The following FHIP1A variants were observed in gnomAD, a reference collection of about 807,000 sequenced individuals.
FHIP1A encodes the protein FHF complex subunit HOOK interacting protein 1A, also known as FHF complex subunit HOOK-interacting protein 1A.
In FHIP1A, 61 loss-of-function variants were observed where a neutral mutation model predicts 88.6. The observed-to-expected ratio is 0.69, with a 90% CI of 0.56 to 0.85. The LOEUF is 0.85. Ranked by LOEUF, FHIP1A falls within the 40% of genes least tolerant of loss-of-function variation. FHIP1A has a pLI of 0.00. For missense variants in FHIP1A, 1,154 were observed against 1,273.5 expected, an observed-to-expected ratio of 0.91 and a Z score of 1.43; for synonymous variants, 478 against 496.0, an observed-to-expected ratio of 0.96 and a Z score of 0.48.
intron 3 of FHIP1A, among the ~76,000 whole-genome samples, chr4:151,537,941 T>C (rs546232327): frequency 6.6e-6 from 1 of 152,336 alleles, no homozygotes; most frequent in Non-Finnish European, 1.5e-5. Context: ...ATAGCCTCTT[T>C]TGCCAATTCT....
chr4:151,434,526 G>A (rs1430300486), intron 1 of FHIP1A, among the ~76,000 whole-genome samples: 2 of 152,140 alleles, frequency 1.3e-5, no homozygotes, highest in Non-Finnish European at 2.9e-5. Flanking sequence ...AAATTCAGGA[G>A]TAAATATTTT....
chr4:151,535,499 G>T (rs1269725366), intron 3 of FHIP1A, among the ~76,000 whole-genome samples: 1 of 152,142 alleles, frequency 6.6e-6, no homozygotes, highest in Non-Finnish European at 1.5e-5. Flanking sequence ...TTCCAGTTAT[G>T]TCCTTCTGGA....
rs1737621091 is a variant in FHIP1A, at chr4:151,665,284, G to C, written c.*2530G>C. ...GAGCCACTGGGTCCAGCCTGAAGTA[G>C]ACTTACTTTAAATGAGGACAGAGAT... On this transcript the variant is annotated 3_prime_UTR_variant, in exon 14 of 14. Coordinates refer to ENST00000435205, the MANE Select transcript of FHIP1A (RefSeq NM_001109977.3). Among the ~76,000 whole-genome samples, 1 of 152,194 alleles carries C rather than the reference G, an allele frequency of 6.6e-6. No individual in the cohort carries two copies. Among genetic ancestry groups the C allele is most frequent in the East Asian group, 1.9e-4 (1 of 5,192 alleles).
At chr4:151,446,581 CTTTTTTTTTT>C (rs35115788) in intron 1 of FHIP1A, among the ~76,000 whole-genome samples, 9 of 109,968 alleles carry the variant, frequency 8.2e-5, no homozygotes, top group Admixed American at 2.0e-4. Context: ...TGTTCTTTTT[CTTTTTTTTTT>C]TTTTTTTTTG....
chr4:151,563,707 G>C (rs1382540809), intron 3 of FHIP1A, among the ~76,000 whole-genome samples: 1 of 152,138 alleles, frequency 6.6e-6, no homozygotes, highest in Non-Finnish European at 1.5e-5. Context: ...AAACTAACTT[G>C]TGCTGGGCAT....
intron 2 of FHIP1A, among the ~76,000 whole-genome samples, chr4:151,463,053 G>A (rs1003491922): frequency 6.6e-6 from 1 of 152,198 alleles, no homozygotes; most frequent in African/African-American, 2.4e-5. Context: ...GAGCTCCTGT[G>A]AGCTCCTTGA....
chr4:151,474,484 T>C (rs1485570542), intron 2 of FHIP1A, among the ~76,000 whole-genome samples: 1 of 152,234 alleles, frequency 6.6e-6, no homozygotes, highest in Non-Finnish European at 1.5e-5. Context: ...CGCTTGACGT[T>C]GTCTGAAGGA....
At chr4:151,493,644 A>C (rs1163573878) in intron 3 of FHIP1A, among the ~76,000 whole-genome samples, 4 of 152,224 alleles carry the variant, frequency 2.6e-5, no homozygotes, top group Non-Finnish European at 5.9e-5. Context: ...TGGATTTCAT[A>C]CCAGGGATGC....
intron 2 of FHIP1A, among the ~76,000 whole-genome samples, chr4:151,455,151 T>C (rs564635461): frequency 2.2e-4 from 33 of 152,344 alleles, no homozygotes; most frequent in Non-Finnish European, 4.0e-4. Context: ...TGAGGCTTAG[T>C]AAAATTAATT....
At chr4:151,627,046 G>T (rs1038259302) in intron 7 of FHIP1A, among the ~76,000 whole-genome samples, 2 of 152,146 alleles carry the variant, frequency 1.3e-5, no homozygotes, top group Admixed American at 1.3e-4. Context: ...GCTCCTGAAG[G>T]CTCTGAGGAT....
intron 11 of FHIP1A, among the ~76,000 whole-genome samples, chr4:151,654,568 A>G (rs1737158145): frequency 6.6e-6 from 1 of 152,232 alleles, no homozygotes; most frequent in Non-Finnish European, 1.5e-5. Context: ...ATGCTAAGCC[A>G]GGGACTGCGG....
At chr4:151,558,961 T>C (rs1214963451) in intron 3 of FHIP1A, among the ~76,000 whole-genome samples, 1 of 152,250 alleles carries the variant, frequency 6.6e-6, no homozygotes, top group Non-Finnish European at 1.5e-5. Flanking sequence ...AGACTACCAC[T>C]CTTCTGTGAA....
chr4:151,522,903 G>A (rs113120348), intron 3 of FHIP1A, among the ~76,000 whole-genome samples: 1 of 152,120 alleles, frequency 6.6e-6, no homozygotes, highest in Admixed American at 6.5e-5. Flanking sequence ...TAACATCACC[G>A]TCAAGGAGAG....
chr4:151,480,786 T>G (rs925563348), intron 2 of FHIP1A, among the ~76,000 whole-genome samples: 4 of 152,070 alleles, frequency 2.6e-5, no homozygotes, highest in Non-Finnish European at 5.9e-5. Flanking sequence ...TTGCCACTGC[T>G]ACTCCTGTGC....
intron 1 of FHIP1A, among the ~76,000 whole-genome samples, chr4:151,434,912 A>G (rs1429662856): frequency 6.6e-6 from 1 of 152,088 alleles, no homozygotes; most frequent in African/African-American, 2.4e-5. Context: ...ACACTATGCA[A>G]GGAAACCCTT....
At chr4:151,550,710 G>T (rs1190472714) in intron 3 of FHIP1A, among the ~76,000 whole-genome samples, 3 of 152,140 alleles carry the variant, frequency 2.0e-5, no homozygotes, top group Non-Finnish European at 2.9e-5. Flanking sequence ...CCTTAGATAT[G>T]TAGTTTCTTA....
intron 3 of FHIP1A, among the ~76,000 whole-genome samples, chr4:151,487,584 T>C (rs900758299): frequency 1.3e-5 from 2 of 152,240 alleles, no homozygotes; most frequent in Admixed American, 6.5e-5. Flanking sequence ...CTGAAATCCG[T>C]GCCTTCTTTC....
chr4:151,566,293 C>T lies in FHIP1A; in HGVS notation c.34C>T (p.Gln12Ter). The T allele has an allele frequency of 6.4e-7, 1 of 1,550,730 alleles. No homozygotes were observed. The highest frequency in any genetic ancestry group is 8.7e-7 in the Non-Finnish European group (1 of 1,146,282). ...ATCGGTTTCGACAGAAAGCAAACTC[C>T]AGCAGGCTGTGAGCCTACAGGGAGT... ...MSSVSTESKL[Q>*]QAVSLQGVDP... The change falls in exon 4 of 14, where the codon CAG becomes TAG. Residue 12 changes from glutamine to a stop codon, truncating the protein, a stop_gained. Coordinates refer to ENST00000435205, the MANE Select transcript of FHIP1A (RefSeq NM_001109977.3). LOFTEE classifies it high-confidence loss of function.
chr4:151,432,435 G>A (rs1429085095), intron 1 of FHIP1A, among the ~76,000 whole-genome samples: 1 of 152,134 alleles, frequency 6.6e-6, no homozygotes, highest in Non-Finnish European at 1.5e-5. Context: ...ATATAGTTGT[G>A]AACAAAGCAA....
Sources: allele counts gnomAD v4.1 joint callset (sites outside exome capture counted in the v4.1 genomes callset), GRCh38; gene constraint gnomAD v4.1.1; transcripts MANE v1.5; gene names NCBI Gene and HGNC (gene_info 2026-07-23, HGNC 2026-07-21).